ITFG1: variants seen among roughly 807,000 people sequenced by gnomAD.
The protein encoded by ITFG1 is T-cell immunomodulatory protein.
ITFG1 carries 34 observed loss-of-function variants against 81.8 expected under a neutral mutation model. The ratio of observed to expected loss-of-function variants is 0.42; its 90% CI spans 0.32 to 0.55. The LOEUF is 0.55. Among genes scored for constraint, ITFG1 ranks in the 20% least tolerant of loss-of-function variants. The pLI, the probability that ITFG1 is intolerant of heterozygous loss-of-function variation, is 0.17. For synonymous variants in ITFG1, 285 were observed against 270.6 expected (o/e 1.05, Z -0.52); for missense variants, 672 against 755.4 (o/e 0.89, Z 1.29).
intron 6 of ITFG1, among the ~76,000 whole-genome samples, chr16:47,406,006 G>A (rs959262468): frequency 1.3e-5 from 2 of 152,044 alleles, no homozygotes; most frequent in African/African-American, 2.4e-5. Context: ...CAGAAGTTAC[G>A]GCATACTTGA....
intron 13 of ITFG1, among the ~76,000 whole-genome samples, chr16:47,228,456 A>G (rs1360489791): frequency 6.6e-6 from 1 of 152,120 alleles, no homozygotes; most frequent in African/African-American, 2.4e-5. Context: ...ACTTGTGCTC[A>G]GGCGATCCTC....
At chr16:47,277,744 T>C (rs1418946726) in intron 10 of ITFG1, among the ~76,000 whole-genome samples, 1 of 152,124 alleles carries the variant, frequency 6.6e-6, no homozygotes, top group African/African-American at 2.4e-5. Flanking sequence ...ACAGAGTGGA[T>C]TTTGAAGAAG....
intron 6 of ITFG1, among the ~76,000 whole-genome samples, chr16:47,410,590 G>C (rs184735178): frequency 1.3e-4 from 20 of 152,232 alleles, no homozygotes; most frequent in Admixed American, 9.8e-4. Context: ...GGTCTGAAGA[G>C]GGAGGAAGCT....
At chr16:47,301,356 A>G (rs1967072932) in intron 10 of ITFG1, among the ~76,000 whole-genome samples, 3 of 151,468 alleles carry the variant, frequency 2.0e-5, no homozygotes, top group Admixed American at 1.3e-4. Context: ...CATGAATTCT[A>G]TTTCAAAACT....
chr16:47,392,950 C>G (rs1156452330), intron 6 of ITFG1, among the ~76,000 whole-genome samples: 2 of 152,160 alleles, frequency 1.3e-5, no homozygotes, highest in Admixed American at 6.5e-5. Flanking sequence ...GTGTCTTAAT[C>G]CAAGGCCACC....
intron 8 of ITFG1, among the ~76,000 whole-genome samples, chr16:47,359,691 T>C (rs1022583210): frequency 5.3e-5 from 8 of 152,212 alleles, no homozygotes; most frequent in Non-Finnish European, 8.8e-5. Context: ...TTTTGTTCCT[T>C]GAACATCAAG....
chr16:47,454,609 G>C (rs2151619563), intron 2 of ITFG1, among the ~76,000 whole-genome samples: 1 of 152,114 alleles, frequency 6.6e-6, no homozygotes, highest in South Asian at 2.1e-4. Context: ...AAAATTTACA[G>C]TAAAAATTAA....
chr16:47,234,794 T>C (rs948177564), intron 13 of ITFG1, among the ~76,000 whole-genome samples: 7 of 152,182 alleles, frequency 4.6e-5, no homozygotes, highest in African/African-American at 9.7e-5. Context: ...AAATCTCACA[T>C]TGAATTGTAA....
chr16:47,375,625 T>G (rs879285467), intron 7 of ITFG1, among the ~76,000 whole-genome samples: 2 of 152,248 alleles, frequency 1.3e-5, no homozygotes, highest in South Asian at 2.1e-4. Context: ...CCTGTTAACA[T>G]GCACATTAGG....
intron 14 of ITFG1, among the ~76,000 whole-genome samples, chr16:47,200,386 G>T (rs1402800847): frequency 6.6e-6 from 1 of 152,120 alleles, no homozygotes; most frequent in Non-Finnish European, 1.5e-5. Flanking sequence ...TTAAAAATTA[G>T]AAATAATTTG....
intron 10 of ITFG1, among the ~76,000 whole-genome samples, chr16:47,305,974 G>C (rs1967151653): frequency 6.6e-6 from 1 of 152,150 alleles, no homozygotes; most frequent in Non-Finnish European, 1.5e-5. Context: ...AATAACTGTA[G>C]CAACAAAACG....
intron 8 of ITFG1, among the ~76,000 whole-genome samples, chr16:47,334,000 G>A (rs1413455272): frequency 6.6e-6 from 1 of 152,086 alleles, no homozygotes; most frequent in African/African-American, 2.4e-5. Flanking sequence ...TACCATATTG[G>A]TATTTTGGCC....
At chr16:47,220,401 C>T (rs1214423460) in intron 13 of ITFG1, among the ~76,000 whole-genome samples, 1 of 152,164 alleles carries the variant, frequency 6.6e-6, no homozygotes, top group East Asian at 1.9e-4. Flanking sequence ...ACGGATATTC[C>T]GACTTGGGTA....
chr16:47,301,595 T>A (rs928050532), intron 10 of ITFG1, among the ~76,000 whole-genome samples: 1 of 152,018 alleles, frequency 6.6e-6, no homozygotes, highest in Non-Finnish European at 1.5e-5. Flanking sequence ...AAGGGTTCAC[T>A]ATGTTGGCCA....
intron 14 of ITFG1, among the ~76,000 whole-genome samples, chr16:47,186,941 A>G (rs1028413732): frequency 6.6e-6 from 1 of 152,224 alleles, no homozygotes; most frequent in Non-Finnish European, 1.5e-5. Flanking sequence ...ATGTACAAAA[A>G]TCACAAGCAT....
At chr16:47,287,227 A>AAT (rs1020521799) in intron 10 of ITFG1, among the ~76,000 whole-genome samples, 5 of 151,986 alleles carry the variant, frequency 3.3e-5, no homozygotes, top group South Asian at 2.1e-4. Context: ...TCTCTATTTA[A>AAT]ATATATATAT....
chr16:47,221,079 G>C (rs1225226575), intron 13 of ITFG1, among the ~76,000 whole-genome samples: 1 of 152,134 alleles, frequency 6.6e-6, no homozygotes, highest in Non-Finnish European at 1.5e-5. Context: ...AGGTACTGGA[G>C]GGGGCAGAAC....
chr16:47,304,985 T>C (rs941597706), intron 10 of ITFG1, among the ~76,000 whole-genome samples: 3 of 152,152 alleles, frequency 2.0e-5, no homozygotes, highest in Admixed American at 6.5e-5. Flanking sequence ...ATGTTGATGA[T>C]TCAACAGCTA....
At chr16:47,399,173 G>C (rs1567486491) in intron 6 of ITFG1, among the ~76,000 whole-genome samples, 3 of 152,142 alleles carry the variant, frequency 2.0e-5, no homozygotes, top group East Asian at 3.8e-4. Flanking sequence ...GCAAATGGAG[G>C]GATTCTACTA....
Sources: gnomAD v4.1 joint callset for allele counts (sites outside exome capture counted in the v4.1 genomes callset) on GRCh38, gnomAD v4.1.1 for gene constraint, MANE v1.5 for transcripts, NCBI Gene and HGNC (gene_info 2026-07-23, HGNC 2026-07-21) for gene names.